The following FOXP1 variants were observed in gnomAD, a reference collection of about 807,000 sequenced individuals.
FOXP1 encodes the protein forkhead box protein P1.
Under a neutral mutation model 98.2 loss-of-function variants are expected in FOXP1, and 15 were observed. That is an observed-to-expected ratio of 0.15 (90% confidence interval 0.10 to 0.24). The LOEUF is 0.24. FOXP1 is among the 10% of genes least tolerant of loss of function. The pLI is 1.00. For missense variants in FOXP1, 633 were observed against 848.5 expected (o/e 0.75, Z 3.15); for synonymous variants, 371 against 314.5 (o/e 1.18, Z -1.90).
At chr3:71,525,261 A>C (rs1356300858) in intron 2 of FOXP1, among the ~76,000 whole-genome samples, 1 of 152,240 alleles carries the variant, frequency 6.6e-6, no homozygotes, top group African/African-American at 2.4e-5. Context: ...TTTAGGAATA[A>C]AAGGAAACAC....
chr3:71,432,863 A>T (rs893938835), intron 3 of FOXP1, among the ~76,000 whole-genome samples: 20 of 151,348 alleles, frequency 1.3e-4, no homozygotes, highest in Non-Finnish European at 2.9e-4. Context: ...AAAAAAAAAA[A>T]AAATTAAAAA....
chr3:71,097,703 C>T (rs956373590), intron 7 of FOXP1, among the ~76,000 whole-genome samples: 6 of 152,106 alleles, frequency 3.9e-5, no homozygotes, highest in African/African-American at 1.2e-4. Flanking sequence ...GCACACGGGC[C>T]ACTGACACAA....
chr3:71,524,233 G>A (rs1197586479), intron 2 of FOXP1, among the ~76,000 whole-genome samples: 4 of 152,042 alleles, frequency 2.6e-5, no homozygotes, highest in African/African-American at 9.7e-5. Flanking sequence ...GCATGGTGGT[G>A]TACGCCTATA....
chr3:71,176,666 A>G (rs1203353902), intron 6 of FOXP1, among the ~76,000 whole-genome samples: 4 of 144,406 alleles, frequency 2.8e-5, no homozygotes, highest in African/African-American at 1.0e-4. Flanking sequence ...GCTTGAGCCC[A>G]GGAGTTCAAG....
intron 5 of FOXP1, among the ~76,000 whole-genome samples, chr3:71,232,641 G>A (rs895150240): frequency 1.3e-5 from 2 of 151,976 alleles, no homozygotes; most frequent in Admixed American, 1.3e-4. Context: ...GCTCATGCCT[G>A]TAATCCCAAC....
At chr3:71,294,713 A>G (rs2073110290) in intron 5 of FOXP1, among the ~76,000 whole-genome samples, 1 of 152,138 alleles carries the variant, frequency 6.6e-6, no homozygotes, top group Non-Finnish European at 1.5e-5. Context: ...CTGTTTGTCA[A>G]TTCTCCCCAG....
chr3:71,578,900 GA>G (rs1168912106), intron 2 of FOXP1, among the ~76,000 whole-genome samples: 1 of 152,158 alleles, frequency 6.6e-6, no homozygotes, highest in Non-Finnish European at 1.5e-5. Context: ...GGTTTAACTA[GA>G]AAATATTTAT....
chr3:71,289,877 T>C (rs2072562291), intron 5 of FOXP1: 1 of 152,268 alleles, frequency 6.6e-6, no homozygotes, highest in Admixed American at 6.5e-5. Context: ...GATCTCAAAC[T>C]CCTGGTCTCA....
chr3:71,248,828 G>C (rs771740711), intron 5 of FOXP1, among the ~76,000 whole-genome samples: 2 of 152,162 alleles, frequency 1.3e-5, no homozygotes, highest in Non-Finnish European at 1.5e-5. Context: ...GTTCAGTCAG[G>C]GATGGACCAA....
intron 13 of FOXP1, among the ~76,000 whole-genome samples, chr3:70,995,248 C>T (rs1179031080): frequency 1.3e-5 from 2 of 152,176 alleles, no homozygotes; most frequent in African/African-American, 4.8e-5. Flanking sequence ...GGCCCAATAT[C>T]GCGGAAGCTT....
At chr3:71,525,352 T>G (rs1237696259) in intron 2 of FOXP1, among the ~76,000 whole-genome samples, 1 of 152,228 alleles carries the variant, frequency 6.6e-6, no homozygotes, top group African/African-American at 2.4e-5. Context: ...TGTGAATCTA[T>G]TTTTAAGAAA....
intron 7 of FOXP1, among the ~76,000 whole-genome samples, chr3:71,106,331 A>G (rs1306937838): frequency 3.9e-5 from 6 of 152,160 alleles, no homozygotes; most frequent in Admixed American, 6.5e-5. Flanking sequence ...GTCCAAACTG[A>G]GTTCCTTATT....
chr3:71,346,853 G>A (rs2077396349), intron 4 of FOXP1, among the ~76,000 whole-genome samples: 1 of 152,092 alleles, frequency 6.6e-6, no homozygotes, highest in African/African-American at 2.4e-5. Flanking sequence ...AGACTATCCT[G>A]GCTAACATGG....
intron 7 of FOXP1, among the ~76,000 whole-genome samples, chr3:71,073,740 C>A (rs1322350484): frequency 6.6e-6 from 1 of 152,168 alleles, no homozygotes; most frequent in East Asian, 1.9e-4. Flanking sequence ...TCCAATGTAT[C>A]GCAAGCACAC....
At chr3:71,418,123 GT>G (rs1259376305) in intron 3 of FOXP1, among the ~76,000 whole-genome samples, 8 of 141,186 alleles carry the variant, frequency 5.7e-5, no homozygotes, top group Middle Eastern at 3.5e-3. Context: ...GTGGGTGTGT[GT>G]GTGTGTGTGT....
At chr3:71,078,151 A>G (rs922190378) in intron 7 of FOXP1, among the ~76,000 whole-genome samples, 3 of 152,098 alleles carry the variant, frequency 2.0e-5, no homozygotes, top group Non-Finnish European at 2.9e-5. Flanking sequence ...TATTTTCTCT[A>G]AACTGTAAGC....
intron 5 of FOXP1, among the ~76,000 whole-genome samples, chr3:71,205,369 T>C (rs1451505315): frequency 6.6e-6 from 1 of 152,212 alleles, no homozygotes; most frequent in African/African-American, 2.4e-5. Context: ...TATTACCTGT[T>C]GTTAAAAATG....
At chr3:71,001,974 T>C (rs996745466) in intron 12 of FOXP1, among the ~76,000 whole-genome samples, 11 of 152,352 alleles carry the variant, frequency 7.2e-5, no homozygotes, top group African/African-American at 2.6e-4. Flanking sequence ...CACATTACAA[T>C]TTGGATGTAA....
chr3:71,062,904 A>C (rs2051749066), intron 7 of FOXP1, among the ~76,000 whole-genome samples: 2 of 152,160 alleles, frequency 1.3e-5, no homozygotes, highest in Admixed American at 1.3e-4. Flanking sequence ...ATGTATTACT[A>C]TGTGCCCCTT....
Sources: allele counts gnomAD v4.1 joint callset (sites outside exome capture counted in the v4.1 genomes callset), GRCh38; gene constraint gnomAD v4.1.1; transcripts MANE v1.5; gene names NCBI Gene and HGNC (gene_info 2026-07-23, HGNC 2026-07-21).